The following UTRN variants were observed in gnomAD, a reference collection of about 807,000 sequenced individuals.
UTRN encodes the protein utrophin.
UTRN carries 283 observed loss-of-function variants against 463.9 expected under a neutral mutation model. The observed-to-expected ratio is 0.61, with a 90% confidence interval of 0.55 to 0.67. The LOEUF (loss-of-function observed/expected upper bound fraction) is 0.67, where lower values mean the gene tolerates loss of function less well. UTRN is among the 30% of genes least tolerant of loss of function. The probability of loss-of-function intolerance (pLI) is 0.00; values close to 1 mark genes in which losing one functional copy is unlikely to be tolerated. For synonymous variants in UTRN, 1,442 were observed against 1,431.5 expected (o/e 1.01, Z -0.17); for missense variants, 3,922 against 4,084.3 (o/e 0.96, Z 1.08).
intron 25 of UTRN, among the ~76,000 whole-genome samples, chr6:144,479,269 C>T (rs955804097): frequency 1.3e-5 from 2 of 151,988 alleles, no homozygotes; most frequent in Admixed American, 1.3e-4. Flanking sequence ...CAGGCATGCA[C>T]CACCATGCCT....
chr6:144,575,076 G>A lies in UTRN; in HGVS notation c.7290-2023G>A, dbSNP rs577251391. ...TTGGTATAGTCATTTTCTTAAAGCC[G>A]TTTTAACATGAAGTAATGTCTCATT... is the stretch of plus-strand genomic sequence containing the variant. On this transcript the variant is annotated intron_variant, in intron 50 of 74. Coordinates refer to ENST00000367545, the MANE Select transcript of UTRN (RefSeq NM_007124.3). 7.2e-5 allele frequency among the ~76,000 whole-genome samples: 11 copies of A among 152,176 alleles called. No individual in the cohort carries two copies. The South Asian group carries it at 8.3e-4, about 11-fold the overall frequency.
At chr6:144,433,952 A>G (rs1373592197) in intron 9 of UTRN, among the ~76,000 whole-genome samples, 1 of 152,200 alleles carries the variant, frequency 6.6e-6, no homozygotes, top group African/African-American at 2.4e-5. Context: ...GCAGCCGGGC[A>G]GAGGCTGCAG....
At chr6:144,426,655 A>C (rs1785318908) in intron 7 of UTRN, among the ~76,000 whole-genome samples, 196 bp downstream of exon 7, 1 of 152,224 alleles carries the variant, frequency 6.6e-6, no homozygotes, top group South Asian at 2.1e-4. Context: ...CTTAGGACTT[A>C]AATGCTGCAA....
In UTRN at chr6:144,700,131, T is replaced by C. The variant is rs1484839367; in HGVS notation, c.7697T>C (p.Met2566Thr). The C allele has an allele frequency of 9.9e-6, 16 of 1,612,940 alleles. No homozygotes were observed. The highest frequency in any genetic ancestry group is 1.4e-5 in the Non-Finnish European group (16 of 1,179,298). ...GCTGAGAAGTGGAACAGGTTGCTGA[T>C]GTCCTTAGAAGAACTGATCAAATGG... The part of the protein sequence containing the change: ...ASAEKWNRLL[M>T]SLEELIKWLN... The change falls in exon 53 of 75, where the codon ATG (methionine) becomes ACG (threonine). Residue 2566 changes from methionine to threonine, a missense_variant. By Grantham distance (81) the Met-to-Thr change is moderately conservative. This residue lies in a region of UTRN where 1,309 missense variants were observed against 1,452.6 expected (regional missense o/e 0.90). Transcript: ENST00000367545.
rs777791375 is a variant in UTRN at position 144,493,284 on chromosome 6, C to G, written c.4438-17C>G. On this transcript the variant is annotated splice_polypyrimidine_tract_variant and intron_variant, in intron 32 of 74. Coordinates refer to ENST00000367545, the MANE Select transcript of UTRN (RefSeq NM_007124.3). ...ACCACAGTGTGTAATTTGTCTTTTT[C>G]TTTGTTTGTTTTAAAGAAACTGTAT... The G allele has an allele frequency of 1.9e-6, 3 of 1,612,276 alleles. No homozygotes were observed. The highest frequency in any genetic ancestry group is 2.5e-6 in the Non-Finnish European group (3 of 1,178,940).
intron 2 of UTRN, among the ~76,000 whole-genome samples, chr6:144,307,353 C>T (rs1584223810): frequency 6.6e-6 from 1 of 152,122 alleles, no homozygotes; most frequent in East Asian, 1.9e-4. Flanking sequence ...ACAATAAATC[C>T]TGCAATATGT....
At chr6:144,549,241 A>G (rs1054188649) in intron 47 of UTRN, among the ~76,000 whole-genome samples, 12 of 152,340 alleles carry the variant, frequency 7.9e-5, no homozygotes, top group East Asian at 1.9e-4. Flanking sequence ...TTAAAAGTGA[A>G]TATCTCCTAT....
chr6:144,768,958 G>GTTT (rs1158164345), intron 58 of UTRN, among the ~76,000 whole-genome samples: 5 of 112,570 alleles, frequency 4.4e-5, no homozygotes, highest in South Asian at 7.0e-4. Context: ...GTTTTGTTTT[G>GTTT]TTTTTTTTTT....
At chr6:144,294,292 T>C (rs1283208202) in intron 2 of UTRN, among the ~76,000 whole-genome samples, 1 of 152,206 alleles carries the variant, frequency 6.6e-6, no homozygotes, top group Non-Finnish European at 1.5e-5. Context: ...AGCCAGTAGA[T>C]AAATTTGGAT....
Position 144,458,976 on chromosome 6 carries a change from C to T in UTRN, c.2491C>T (p.Arg831Trp), listed in dbSNP as rs146079356. 510 of 1,609,376 alleles carry T rather than the reference C, an allele frequency of 3.2e-4. 1 individual carries two copies. Among genetic ancestry groups the T allele is most frequent in the African/African-American group, 2.3e-3 (172 of 74,720 alleles). Residue 831 changes from arginine to tryptophan, a missense_variant, in exon 20 of 75, where the codon CGG (arginine) becomes TGG (tryptophan). By Grantham distance (101) the Arg-to-Trp change is moderately radical. Coordinates refer to ENST00000367545, the MANE Select transcript of UTRN (RefSeq NM_007124.3). ...ACACACTTCCATTTCTGAATCTTCC[C>T]GGCAGTCCTTGCCAAGCTTGAAGGA... ...VKHTSISESS[R>W]QSLPSLKDSC...
intron 44 of UTRN, among the ~76,000 whole-genome samples, chr6:144,538,863 G>A (rs939611215): frequency 1.3e-5 from 2 of 152,108 alleles, no homozygotes; most frequent in Non-Finnish European, 2.9e-5. Context: ...TTTAAAATGT[G>A]ACAATATCTA....
chr6:144,846,942 T>C, intron 74 of UTRN, 115 bp downstream of exon 74: 1 of 1,429,062 alleles, frequency 7.0e-7, no homozygotes, highest in Non-Finnish European at 9.7e-7. Context: ...GTAAACTTAC[T>C]TGACATTTAA....
At chr6:144,665,805 C>T (rs746979052) in intron 51 of UTRN, among the ~76,000 whole-genome samples, 10 of 152,096 alleles carry the variant, frequency 6.6e-5, no homozygotes, top group Non-Finnish European at 8.8e-5. Flanking sequence ...TTTTCTAACT[C>T]CTGGCTTTTC....
chr6:144,686,228 G>A (rs893280130), intron 52 of UTRN, among the ~76,000 whole-genome samples: 3 of 152,038 alleles, frequency 2.0e-5, no homozygotes, highest in Non-Finnish European at 4.4e-5. Context: ...GTATTTCTAG[G>A]TTCTCTATTC....
At chr6:144,509,348 T>C (rs1562503233) in intron 34 of UTRN, among the ~76,000 whole-genome samples, 1 of 152,090 alleles carries the variant, frequency 6.6e-6, no homozygotes, top group Non-Finnish European at 1.5e-5. Flanking sequence ...ATAGGTGATA[T>C]TGATTTTATA....
chr6:144,839,752 G>A (rs1460305461), intron 72 of UTRN, among the ~76,000 whole-genome samples: 6 of 152,134 alleles, frequency 3.9e-5, no homozygotes, highest in South Asian at 2.1e-4. Context: ...CAGAGGCAGC[G>A]GTCCCACGCA....
chr6:144,809,442 T>A (rs7759754), intron 65 of UTRN, among the ~76,000 whole-genome samples: 2 of 152,054 alleles, frequency 1.3e-5, no homozygotes, highest in South Asian at 4.1e-4. Flanking sequence ...TGTGGTTGAT[T>A]TGAGGTATCC....
intron 53 of UTRN, among the ~76,000 whole-genome samples, chr6:144,704,206 G>A (rs976063052): frequency 5.9e-5 from 9 of 152,140 alleles, no homozygotes; most frequent in African/African-American, 2.2e-4. Flanking sequence ...ACTTGAGTCT[G>A]TTCCCTCTTT....
At chr6:144,428,495 C>T (rs1785505080) in intron 7 of UTRN, among the ~76,000 whole-genome samples, 1 of 149,246 alleles carries the variant, frequency 6.7e-6, no homozygotes, top group Non-Finnish European at 1.5e-5. Flanking sequence ...TCTTCTTCTA[C>T]TCTTTGGGAA....
Sources: gnomAD v4.1 joint callset for allele counts (sites outside exome capture counted in the v4.1 genomes callset) on GRCh38, gnomAD v4.1.1 for gene constraint, gnomAD v4.1.1 regional missense constraint, MANE v1.5 for transcripts, NCBI Gene and HGNC (gene_info 2026-07-23, HGNC 2026-07-21) for gene names.